The following TRPS1 variants were observed in gnomAD, a reference collection of about 807,000 sequenced individuals.
TRPS1 encodes transcriptional repressor GATA binding 1, also known as zinc finger transcription factor Trps1.
In TRPS1, 6 loss-of-function variants were observed where a neutral mutation model predicts 101.2. The ratio of observed to expected loss-of-function variants is 0.06; its 90% CI spans 0.03 to 0.12. The LOEUF is 0.12. Ranked by LOEUF, TRPS1 falls within the 10% of genes least tolerant of loss-of-function variation. TRPS1 has a pLI of 1.00. For missense variants in TRPS1, 1,363 were observed against 1,567.0 expected (o/e 0.87, Z 2.20); for synonymous variants, 578 against 589.8 (o/e 0.98, Z 0.29).
At chr8:115,609,592 G>A (rs1193958268) in intron 3 of TRPS1, among the ~76,000 whole-genome samples, 4 of 152,060 alleles carry the variant, frequency 2.6e-5, no homozygotes, top group South Asian at 4.1e-4. Flanking sequence ...GACTTGACCT[G>A]GCATACATGG....
chr8:115,571,784 T>C (rs970388192), intron 5 of TRPS1, among the ~76,000 whole-genome samples: 3 of 152,278 alleles, frequency 2.0e-5, no homozygotes, highest in Non-Finnish European at 4.4e-5. Flanking sequence ...ATAGTTCTTA[T>C]ATATAATGAA....
At position 115,408,602 on chromosome 8, in the gene TRPS1, T is replaced by C. The variant is rs1375193854; in HGVS notation, c.*5421A>G. The C allele has an allele frequency of 1.3e-5, 2 of 150,596 alleles. No homozygotes were observed. The highest frequency in any genetic ancestry group is 2.4e-5 in the African/African-American group (1 of 40,896). 9.3% of individuals were successfully genotyped at this position (150,596 alleles called of 1,614,324 possible). On this transcript the variant is annotated 3_prime_UTR_variant, in exon 7 of 7. Coordinates refer to ENST00000395715, the MANE Select transcript of TRPS1 (RefSeq NM_014112.5). ...AATACACCAAGAACATGTTTGTGAGTAGAAATGAACATGCACTATGAAAAC... is the reference window on the plus strand; with the variant it reads ...AATACACCAAGAACATGTTTGTGAGCAGAAATGAACATGCACTATGAAAAC...
intron 5 of TRPS1, among the ~76,000 whole-genome samples, chr8:115,465,245 A>C (rs2129990580): frequency 6.6e-6 from 1 of 152,248 alleles, no homozygotes; most frequent in Non-Finnish European, 1.5e-5. Flanking sequence ...GTAATATTTC[A>C]AAAAGCATTA....
At chr8:115,621,150 G>A (rs1231158086) in intron 2 of TRPS1, among the ~76,000 whole-genome samples, 1 of 152,164 alleles carries the variant, frequency 6.6e-6, no homozygotes, top group South Asian at 2.1e-4. Context: ...GAAACAATTT[G>A]TGTAGTGTCA....
chr8:115,531,802 A>G (rs1207221937), intron 5 of TRPS1, among the ~76,000 whole-genome samples: 2 of 152,144 alleles, frequency 1.3e-5, no homozygotes, highest in South Asian at 2.1e-4. Context: ...GACCAGTAAA[A>G]GGATCGCTGA....
At chr8:115,485,511 A>G (rs1402908508) in intron 5 of TRPS1, among the ~76,000 whole-genome samples, 2 of 152,222 alleles carry the variant, frequency 1.3e-5, no homozygotes, top group South Asian at 4.1e-4. Context: ...TACACACAGC[A>G]ATAGAACATA....
chr8:115,435,870 T>C (rs998543007), intron 5 of TRPS1, among the ~76,000 whole-genome samples: 1 of 152,104 alleles, frequency 6.6e-6, no homozygotes, highest in Non-Finnish European at 1.5e-5. Context: ...GAAGTGTTTA[T>C]AATTTTGAGG....
chr8:115,413,941 T>C lies in TRPS1; in HGVS notation c.*82A>G. 1 of 1,385,558 alleles carries C rather than the reference T, an allele frequency of 7.2e-7. No individual in the cohort carries two copies. Among genetic ancestry groups the C allele is most frequent in the Non-Finnish European group, 9.9e-7 (1 of 1,005,624 alleles). The allele number at this position is 1,385,558 out of a possible 1,614,324, so 85.8% of individuals were successfully genotyped here. A position where few individuals can be genotyped will look rare whatever the true frequency, so the allele number is the denominator to read the frequency against. Reference sequence around the variant, plus strand: ...CAGGCTCTATGAAGTATTTTTTTAATAGGTCTTCATAAGACATTACAAGCT... The same window carrying C: ...CAGGCTCTATGAAGTATTTTTTTAACAGGTCTTCATAAGACATTACAAGCT... On this transcript the variant is annotated 3_prime_UTR_variant, in exon 7 of 7. Coordinates refer to ENST00000395715, the MANE Select transcript of TRPS1 (RefSeq NM_014112.5).
intron 5 of TRPS1, among the ~76,000 whole-genome samples, chr8:115,493,807 C>T (rs906729777): frequency 6.6e-6 from 1 of 151,922 alleles, no homozygotes; most frequent in Non-Finnish European, 1.5e-5. Flanking sequence ...AAAAGATATG[C>T]TATAAATGTA....
intron 5 of TRPS1, among the ~76,000 whole-genome samples, chr8:115,532,689 C>T (rs567024719): frequency 3.3e-5 from 5 of 152,072 alleles, no homozygotes; most frequent in South Asian, 2.1e-4. Flanking sequence ...AGGCACTGTA[C>T]GTTAATTATC....
intron 5 of TRPS1, among the ~76,000 whole-genome samples, chr8:115,495,165 A>C (rs1427216795): frequency 1.3e-5 from 2 of 152,216 alleles, no homozygotes; most frequent in African/African-American, 4.8e-5. Flanking sequence ...AAGGAAGCAA[A>C]ATAAACAGAA....
intron 5 of TRPS1, among the ~76,000 whole-genome samples, chr8:115,551,469 G>A (rs3808440): frequency 0.69 from 104,619 of 152,108 alleles, 37,540 homozygotes; most frequent in African/African-American, 0.89. Flanking sequence ...GGTTTAGTAC[G>A]TGTTAAATAC....
At chr8:115,572,554 T>C (rs1295221021) in intron 5 of TRPS1, among the ~76,000 whole-genome samples, 1 of 152,208 alleles carries the variant, frequency 6.6e-6, no homozygotes, top group African/African-American at 2.4e-5. Context: ...TTGCTACTGG[T>C]TTGCAAAAGT....
intron 4 of TRPS1, 100 bp downstream of exon 4, chr8:115,603,773 T>G: frequency 1.6e-5 from 22 of 1,395,252 alleles, no homozygotes; most frequent in Non-Finnish European, 2.2e-5. Context: ...CCCAAGTCAT[T>G]GGAATCACTC....
chr8:115,571,331 CAT>C (rs1313605892), intron 5 of TRPS1, among the ~76,000 whole-genome samples: 1 of 152,108 alleles, frequency 6.6e-6, no homozygotes, highest in Non-Finnish European at 1.5e-5. Context: ...TTTTAAAAGA[CAT>C]TTTAATTTGT....
At chr8:115,416,350 G>T (rs906092012) in intron 6 of TRPS1, among the ~76,000 whole-genome samples, 1 of 151,458 alleles carries the variant, frequency 6.6e-6, no homozygotes. Context: ...AAATTAATGC[G>T]TATTTATAGG....
Position 115,414,614 on chromosome 8 carries a change from G to A in TRPS1, c.3294C>T (p.Ser1098=), listed in dbSNP as rs779988378. The A allele has an allele frequency of 5.6e-6, 9 of 1,613,854 alleles. No homozygotes were observed. The highest frequency in any genetic ancestry group is 7.6e-6 in the Non-Finnish European group (9 of 1,179,956). Residue 1098 remains serine (S), a synonymous_variant, in exon 7 of 7, where the codon AGC becomes AGT. Coordinates refer to ENST00000395715, the MANE Select transcript of TRPS1 (RefSeq NM_014112.5). The surrounding 1 kb of genome is among the most constrained non-coding windows in gnomAD (Gnocchi z 4.8). ...AKHPNYSPPG[S]PIEKYQYPLF... Reference sequence around the variant, plus strand: ...GTGGGTACTGGTACTTTTCAATAGGGCTGCCTGGTGGTGAATAATTTGGGT... The same window carrying A: ...GTGGGTACTGGTACTTTTCAATAGGACTGCCTGGTGGTGAATAATTTGGGT...
chr8:115,511,998 G>A (rs749891765), intron 5 of TRPS1, among the ~76,000 whole-genome samples: 24 of 151,564 alleles, frequency 1.6e-4, no homozygotes, highest in Non-Finnish European at 2.7e-4. Context: ...AGAAACTATC[G>A]CATCAACGTG....
chr8:115,635,552 C>T (rs1159339671), intron 1 of TRPS1, among the ~76,000 whole-genome samples: 1 of 152,088 alleles, frequency 6.6e-6, no homozygotes, highest in African/African-American at 2.4e-5. Flanking sequence ...CCTGAGTGAG[C>T]TTATAGTCTA....
Sources: gnomAD v4.1 joint callset for allele counts (sites outside exome capture counted in the v4.1 genomes callset) on GRCh38, gnomAD v4.1.1 for gene constraint, Gnocchi (gnomAD v3.1) non-coding constraint, MANE v1.5 for transcripts, NCBI Gene and HGNC (gene_info 2026-07-23, HGNC 2026-07-21) for gene names.